PPARGC1A: variants seen among roughly 807,000 people sequenced by gnomAD.
The protein encoded by PPARGC1A is PPARG coactivator 1 alpha.
PPARGC1A carries 25 observed loss-of-function variants against 88.7 expected under a neutral mutation model. The observed-to-expected ratio is 0.28, with a 90% CI of 0.21 to 0.39. The LOEUF (loss-of-function observed/expected upper bound fraction) is 0.39. PPARGC1A is among the 10% of genes least tolerant of loss of function. The pLI, the probability that PPARGC1A is intolerant of heterozygous loss-of-function variation, is 1.00. For synonymous variants in PPARGC1A, 363 were observed against 355.6 expected, an observed-to-expected ratio of 1.02 and a Z score of -0.24; for missense variants, 880 against 968.7, an observed-to-expected ratio of 0.91 and a Z score of 1.22.
the PPARGC1A span, among the ~76,000 whole-genome samples, chr4:24,385,816 C>T: frequency 6.6e-6 from 1 of 152,024 alleles, no homozygotes; most frequent in African/African-American, 2.4e-5. Context: ...CAGAGGTACA[C>T]AGAGGAGCTG....
At chr4:24,415,445 C>T in the PPARGC1A span, among the ~76,000 whole-genome samples, 10 of 152,200 alleles carry the variant, frequency 6.6e-5, no homozygotes, top group Admixed American at 5.9e-4. Context: ...CAGGGTAATA[C>T]CAGTTTATAA....
chr4:24,351,709 GA>G, the PPARGC1A span, among the ~76,000 whole-genome samples: 1 of 152,024 alleles, frequency 6.6e-6, no homozygotes, highest in Non-Finnish European at 1.5e-5. Context: ...TTTAAGAGTT[GA>G]GCTAAGGAAA....
the PPARGC1A span, among the ~76,000 whole-genome samples, chr4:24,190,179 T>C: frequency 2.6e-5 from 4 of 152,076 alleles, no homozygotes; most frequent in African/African-American, 9.7e-5. Context: ...GGCTCCCAAC[T>C]CCACCCATGG....
the PPARGC1A span, among the ~76,000 whole-genome samples, chr4:24,138,423 CA>C: frequency 6.6e-6 from 1 of 152,084 alleles, no homozygotes; most frequent in Non-Finnish European, 1.5e-5. Flanking sequence ...TTAGATACAC[CA>C]GGGTATACAG....
the PPARGC1A span, among the ~76,000 whole-genome samples, chr4:24,457,791 T>C: frequency 6.6e-6 from 1 of 152,104 alleles, no homozygotes; most frequent in East Asian, 1.9e-4. Context: ...TCTCGATCTC[T>C]TGACCTCGTG....
At chr4:24,052,094 G>A in the PPARGC1A span, among the ~76,000 whole-genome samples, 2 of 152,156 alleles carry the variant, frequency 1.3e-5, no homozygotes, top group African/African-American at 2.4e-5. Context: ...GGACGTATTT[G>A]GAGAGTATAA....
chr4:23,824,626 T>C lies in PPARGC1A; in HGVS notation c.758-118A>G, dbSNP rs45534535. On this transcript the variant is annotated intron_variant, in intron 5 of 12. Coordinates refer to ENST00000264867, the MANE Select transcript of PPARGC1A (RefSeq NM_013261.5). ...AAAACTCAAAGACTAAACTAAGGAATTCTCTGAATATTGAATCAAAGTCAG... is the reference window on the plus strand; with the variant it reads ...AAAACTCAAAGACTAAACTAAGGAACTCTCTGAATATTGAATCAAAGTCAG... 304 of 866,842 alleles carry C rather than the reference T, an allele frequency of 3.5e-4. 2 individuals are homozygous for C. In the African/African-American group the frequency reaches 4.3e-3, roughly 12 times the overall value. 53.7% of individuals were successfully genotyped at this position (866,842 alleles called of 1,614,324 possible). A position where few individuals can be genotyped will look rare whatever the true frequency, so the allele number is the denominator to read the frequency against.
At chr4:24,470,328 TCTCA>T in the PPARGC1A span, among the ~76,000 whole-genome samples, 3 of 78,014 alleles carry the variant, frequency 3.8e-5, no homozygotes, top group African/African-American at 1.2e-4. The surrounding 1 kb of genome is among the most constrained non-coding windows in gnomAD (Gnocchi z 5.8). Context: ...ACACACACTC[TCTCA>T]CACAGGCAGG....
At chr4:24,470,905 T>C in the PPARGC1A span, among the ~76,000 whole-genome samples, 1 of 151,804 alleles carries the variant, frequency 6.6e-6, no homozygotes, top group African/African-American at 2.4e-5. This position sits in a 1 kb window ranked among gnomAD's most constrained non-coding sequence, Gnocchi z 5.8. Context: ...TGGCGATTTG[T>C]TTCTTGGAAA....
the PPARGC1A span, among the ~76,000 whole-genome samples, chr4:24,225,275 A>G: frequency 1.3e-5 from 2 of 152,268 alleles, no homozygotes; most frequent in Middle Eastern, 3.4e-3. Flanking sequence ...GAAATACACT[A>G]AAGAGTGACT....
chr4:24,194,740 G>T, the PPARGC1A span, among the ~76,000 whole-genome samples: 1 of 151,888 alleles, frequency 6.6e-6, no homozygotes, highest in Non-Finnish European at 1.5e-5. Context: ...GTCTTAAAAT[G>T]AGGCTATATG....
At chr4:24,001,745 G>A in the PPARGC1A span, among the ~76,000 whole-genome samples, 1 of 152,044 alleles carries the variant, frequency 6.6e-6, no homozygotes, top group Non-Finnish European at 1.5e-5. Context: ...AGCTTTAACT[G>A]CTACAAACTC....
At chr4:24,193,270 A>C in the PPARGC1A span, among the ~76,000 whole-genome samples, 20 of 152,300 alleles carry the variant, frequency 1.3e-4, no homozygotes, top group African/African-American at 4.8e-4. Flanking sequence ...AAGGCCGGGA[A>C]TGTATAAGGT....
At chr4:24,396,467 G>A in the PPARGC1A span, among the ~76,000 whole-genome samples, 5 of 151,962 alleles carry the variant, frequency 3.3e-5, no homozygotes, top group Non-Finnish European at 5.9e-5. Context: ...CTTCCTGTGG[G>A]TGACCTCCCT....
chr4:24,120,384 A>G, the PPARGC1A span, among the ~76,000 whole-genome samples: 168 of 152,298 alleles, frequency 1.1e-3, 1 homozygote, highest in African/African-American at 3.9e-3. Context: ...TGGCAGAGAC[A>G]ATGGCATGAT....
At chr4:23,829,362 G>C in intron 4 of PPARGC1A, 101 bp downstream of exon 4, 1 of 1,286,096 alleles carries the variant, frequency 7.8e-7, no homozygotes, top group Non-Finnish European at 1.1e-6. Flanking sequence ...GGCAGCTTCG[G>C]GGTCCCAGCT....
the PPARGC1A span, among the ~76,000 whole-genome samples, chr4:23,961,826 AT>A: frequency 2.0e-5 from 3 of 152,272 alleles, no homozygotes; most frequent in African/African-American, 7.2e-5. Flanking sequence ...ATCACAGATA[AT>A]TCTGAAATCA....
chr4:23,831,695 G>A lies in PPARGC1A; in HGVS notation c.291C>T (p.Asp97=), dbSNP rs1404194576. ...ATCCGTCTTCATCCACAGGGAGACT[G>A]TCTAGTGTCTCTGTGAGGACTGCTA... The part of the protein sequence containing the change: ...NLLAVLTETL[D]SLPVDEDGLP... The change falls in exon 3 of 13, where the codon GAC becomes GAT. Residue 97 remains aspartate, a synonymous_variant. Coordinates refer to ENST00000264867, the MANE Select transcript of PPARGC1A (RefSeq NM_013261.5). 4 of 1,613,770 alleles carry A rather than the reference G, an allele frequency of 2.5e-6. No individual in the cohort carries two copies. The highest frequency in any genetic ancestry group is 2.5e-6 in the Non-Finnish European group (3 of 1,179,684).
the PPARGC1A span, among the ~76,000 whole-genome samples, chr4:24,330,987 A>G: frequency 6.6e-6 from 1 of 152,158 alleles, no homozygotes; most frequent in African/African-American, 2.4e-5. Flanking sequence ...CTCTACTGAT[A>G]TGCCCTTCCT....
Sources: gnomAD v4.1 joint callset for allele counts (sites outside exome capture counted in the v4.1 genomes callset) on GRCh38, gnomAD v4.1.1 for gene constraint, Gnocchi (gnomAD v3.1) non-coding constraint, MANE v1.5 for transcripts, NCBI Gene and HGNC (gene_info 2026-07-23, HGNC 2026-07-21) for gene names.